Variants in PARPBP observed in about 807,000 individuals in gnomAD.
PARPBP encodes PCNA-interacting partner.
In PARPBP, 52 loss-of-function variants were observed where a neutral mutation model predicts 50.0. The ratio of observed to expected loss-of-function variants is 1.04; its 90% CI spans 0.83 to 1.31. The LOEUF (loss-of-function observed/expected upper bound fraction) is 1.31, where lower values mean the gene tolerates loss of function less well. Among genes scored for constraint, PARPBP ranks in the 50% most tolerant of loss-of-function variants. The pLI, the probability that PARPBP is intolerant of heterozygous loss-of-function variation, is 0.00. For missense variants in PARPBP, 697 were observed against 672.0 expected, an observed-to-expected ratio of 1.04 and a Z score of -0.41; for synonymous variants, 244 against 232.1, an observed-to-expected ratio of 1.05 and a Z score of -0.47.
intron 2 of PARPBP, among the ~76,000 whole-genome samples, chr12:102,126,893 T>A (rs1882079829): frequency 6.6e-6 from 1 of 152,224 alleles, no homozygotes; most frequent in Non-Finnish European, 1.5e-5. Context: ...AAAGTTAATC[T>A]AATTTATTCA....
intron 2 of PARPBP, among the ~76,000 whole-genome samples, chr12:102,135,844 A>C (rs1016480154): frequency 2.6e-5 from 4 of 152,138 alleles, no homozygotes; most frequent in African/African-American, 9.7e-5. Context: ...GGGTGGAGTG[A>C]TCTTAATTAT....
At chr12:102,158,614 A>C (rs1887220403) in intron 4 of PARPBP, among the ~76,000 whole-genome samples, 1 of 150,642 alleles carries the variant, frequency 6.6e-6, no homozygotes, top group Non-Finnish European at 1.5e-5. Flanking sequence ...TTAATTTTTC[A>C]CTTACATTTC....
Position 102,148,246 on chromosome 12 carries a change from C to T in PARPBP, c.170C>T (p.Thr57Ile). The T allele has an allele frequency of 1.3e-6, 2 of 1,519,556 alleles. No individual in the cohort carries two copies. Among genetic ancestry groups the T allele is most frequent in the Non-Finnish European group, 1.8e-6 (2 of 1,111,312 alleles). 94.1% of individuals were successfully genotyped at this position (1,519,556 alleles called of 1,614,324 possible). A position where few individuals can be genotyped will look rare whatever the true frequency, so the allele number is the denominator to read the frequency against. ...ENNKQHSGEF[T>I]VSLSDVLLTW... ...CTTTTTCAGCACAGTGGAGAATTTA[C>T]AGTCTCTCTCAGTGATGTTTTATTG... The change falls in exon 3 of 11, where the codon ACA (threonine) becomes ATA (isoleucine). Residue 57 changes from threonine to isoleucine, a missense_variant. Coordinates refer to ENST00000327680, the MANE Select transcript of PARPBP (RefSeq NM_017915.5).
intron 6 of PARPBP, among the ~76,000 whole-genome samples, chr12:102,171,923 A>G (rs181740335): frequency 3.0e-4 from 46 of 152,332 alleles, no homozygotes; most frequent in Admixed American, 2.7e-3. Flanking sequence ...GGCACCTTTA[A>G]TTACATTTAA....
At chr12:102,176,555 G>C (rs551642047) in intron 7 of PARPBP, among the ~76,000 whole-genome samples, 4 of 151,966 alleles carry the variant, frequency 2.6e-5, no homozygotes, top group Non-Finnish European at 5.9e-5. Flanking sequence ...TAATTAAATA[G>C]AGTAGATTCT....
Position 102,126,993 on chromosome 12 carries a change from A to G in PARPBP, c.153+2952A>G, listed in dbSNP as rs191574545. On this transcript the variant is annotated intron_variant, in intron 2 of 10. Transcript: ENST00000327680. ...ACTGAAGTTCTTTTGTGTTATGAATAGTTTTGCCTTGAAATGAAATGTTTG... is the reference window on the plus strand; with the variant it reads ...ACTGAAGTTCTTTTGTGTTATGAATGGTTTTGCCTTGAAATGAAATGTTTG... Among the ~76,000 whole-genome samples, 322 of 152,278 alleles carry G rather than the reference A, an allele frequency of 2.1e-3. 2 individuals carry two copies. Among genetic ancestry groups the G allele is most frequent in the Non-Finnish European group, 8.7e-4 (59 of 68,018 alleles).
intron 6 of PARPBP, among the ~76,000 whole-genome samples, chr12:102,169,403 T>C (rs1888466969): frequency 6.6e-6 from 1 of 152,208 alleles, no homozygotes; most frequent in African/African-American, 2.4e-5. Context: ...GCAACTCATA[T>C]GTCCTAAACT....
chr12:102,128,351 C>T (rs1882327847), intron 2 of PARPBP, among the ~76,000 whole-genome samples: 1 of 152,176 alleles, frequency 6.6e-6, no homozygotes. Context: ...TCTGCCTCTG[C>T]CTCCCTAGTA....
At chr12:102,147,034 G>T (rs566777270) in intron 2 of PARPBP, among the ~76,000 whole-genome samples, 1 of 152,222 alleles carries the variant, frequency 6.6e-6, no homozygotes, top group East Asian at 1.9e-4. Flanking sequence ...TCTCACACCA[G>T]TTAGAATGGC....
chr12:102,174,895 C>A (rs1468973938), intron 6 of PARPBP, among the ~76,000 whole-genome samples: 1 of 152,146 alleles, frequency 6.6e-6, no homozygotes, highest in East Asian at 1.9e-4. Context: ...TACTAACTTG[C>A]TTAGTTTCCT....
chr12:102,151,704 A>G, intron 3 of PARPBP: 1 of 1,535,680 alleles, frequency 6.5e-7, no homozygotes, highest in South Asian at 1.2e-5. Flanking sequence ...CCCTCTTAGC[A>G]TGGAGCTGGT....
chr12:102,149,595 A>G (rs556027195), intron 3 of PARPBP, among the ~76,000 whole-genome samples: 1 of 152,358 alleles, frequency 6.6e-6, no homozygotes, highest in African/African-American at 2.4e-5. Context: ...GGTTAGTCAC[A>G]TGGCCACAAC....
At chr12:102,135,917 G>A (rs1883560475) in intron 2 of PARPBP, among the ~76,000 whole-genome samples, 1 of 152,060 alleles carries the variant, frequency 6.6e-6, no homozygotes, top group African/African-American at 2.4e-5. Flanking sequence ...ACTTTCACTG[G>A]ATGCATTTCC....
intron 4 of PARPBP, among the ~76,000 whole-genome samples, chr12:102,161,063 T>C (rs959165069): frequency 6.6e-6 from 1 of 152,082 alleles, no homozygotes; most frequent in Admixed American, 6.5e-5. Context: ...TACCTTTCTT[T>C]GTAAGGCACC....
At chr12:102,192,461 C>T (rs776028250) in intron 9 of PARPBP, among the ~76,000 whole-genome samples, 10 of 152,082 alleles carry the variant, frequency 6.6e-5, no homozygotes, top group Non-Finnish European at 1.5e-4. Flanking sequence ...CCCATCACAT[C>T]ATCTTATCTT....
chr12:102,187,007 C>A (rs570699650), intron 9 of PARPBP, among the ~76,000 whole-genome samples: 3 of 151,612 alleles, frequency 2.0e-5, no homozygotes, highest in Non-Finnish European at 3.0e-5. Flanking sequence ...TCAAATTTAA[C>A]CTTTATGATA....
intron 4 of PARPBP, 148 bp downstream of exon 4, chr12:102,154,124 C>T (rs1565877017): frequency 1.9e-6 from 1 of 524,326 alleles, no homozygotes. Context: ...AAGAATAATA[C>T]ATTGGAGGCT....
chr12:102,122,241 G>A (rs1343811279), intron 1 of PARPBP, among the ~76,000 whole-genome samples: 1 of 152,180 alleles, frequency 6.6e-6, no homozygotes, highest in Non-Finnish European at 1.5e-5. Context: ...TTCAAGAGAT[G>A]AGGGTGATTT....
chr12:102,186,798 T>G (rs1890342682), intron 9 of PARPBP, among the ~76,000 whole-genome samples: 1 of 152,142 alleles, frequency 6.6e-6, no homozygotes, highest in African/African-American at 2.4e-5. Flanking sequence ...TAATCATCAT[T>G]TAGCCAGTCA....
Sources: gnomAD v4.1 joint callset for allele counts (sites outside exome capture counted in the v4.1 genomes callset) on GRCh38, gnomAD v4.1.1 for gene constraint, MANE v1.5 for transcripts, NCBI Gene and HGNC (gene_info 2026-07-23, HGNC 2026-07-21) for gene names.